Variants in IMPA1 observed in about 807,000 individuals in gnomAD.
IMPA1 encodes D-galactose 1-phosphate phosphatase.
In IMPA1, 21 loss-of-function variants were observed where a neutral mutation model predicts 34.9. That is an observed-to-expected ratio of 0.60 (90% CI 0.43 to 0.87). The LOEUF is 0.87. IMPA1 is among the 40% of genes least tolerant of loss of function. IMPA1 has a pLI of 0.00. For missense variants in IMPA1, 299 were observed against 336.4 expected (o/e 0.89, Z 0.87); for synonymous variants, 95 against 104.4 (o/e 0.91, Z 0.55).
chr8:81,684,130 TACACACATACACACAC>T (rs1807391564), intron 1 of IMPA1, among the ~76,000 whole-genome samples: 1 of 114,190 alleles, frequency 8.8e-6, no homozygotes, highest in Non-Finnish European at 2.0e-5. Context: ...CACACACACA[TACACACATACACACAC>T]ACACACACAT....
In IMPA1 at chr8:81,675,535, T is replaced by C. The variant is rs142103278; in HGVS notation, c.348+699A>G. ...ATGTAGCTTCTTCTGGACATTCTCA[T>C]TAATTAATACAACCCTGGGGCTAAG... On this transcript the variant is annotated intron_variant, in intron 5 of 8. Coordinates refer to ENST00000256108, the MANE Select transcript of IMPA1 (RefSeq NM_005536.4). 5.0e-3 allele frequency among the ~76,000 whole-genome samples: 767 copies of C among 152,330 alleles called. 2 individuals carry two copies. Among genetic ancestry groups the C allele is most frequent in the South Asian group, 0.025 (122 of 4,820 alleles).
intron 5 of IMPA1, 119 bp from the exon 6 acceptor site, chr8:81,674,068 C>T (rs1807066325): frequency 3.2e-6 from 2 of 618,088 alleles, no homozygotes; most frequent in African/African-American, 1.8e-5. Context: ...AATGGCTAAA[C>T]TGTGGGATAC....
chr8:81,682,036 G>A (rs1000257232), intron 1 of IMPA1, among the ~76,000 whole-genome samples: 8 of 152,078 alleles, frequency 5.3e-5, no homozygotes, highest in Non-Finnish European at 1.2e-4. Flanking sequence ...AAGGTTCAGA[G>A]ATGAGAAATA....
chr8:81,657,697 C>T lies in IMPA1; in HGVS notation c.*1654G>A, dbSNP rs1319459745. ...TCTGTAATCCCAGCACTTTGGGAGG[C>T]CAAGGGGCCTGGAAAACATAGGAAG... On this transcript the variant is annotated 3_prime_UTR_variant, in exon 9 of 9. Transcript: ENST00000256108. 6.6e-6 allele frequency among the ~76,000 whole-genome samples: 1 copy of T among 151,832 alleles called. No individual in the cohort carries two copies.
chr8:81,661,095 G>A (rs113211887), intron 7 of IMPA1, among the ~76,000 whole-genome samples: 39 of 152,208 alleles, frequency 2.6e-4, no homozygotes, highest in African/African-American at 5.3e-4. Context: ...CTGGGTGTGC[G>A]TCATACATGT....
At chr8:81,675,528 A>G (rs1174784471) in intron 5 of IMPA1, among the ~76,000 whole-genome samples, 1 of 152,142 alleles carries the variant, frequency 6.6e-6, no homozygotes, top group Admixed American at 6.5e-5. Flanking sequence ...TCTTCTGGAC[A>G]TTCTCATTAA....
At position 81,656,954 on chromosome 8, in the gene IMPA1, A is replaced by G. The variant is rs770381514; in HGVS notation, c.*2397T>C. 6.6e-6 allele frequency among the ~76,000 whole-genome samples: 1 copy of G among 152,184 alleles called. No homozygotes were observed. Among genetic ancestry groups the G allele is most frequent in the Non-Finnish European group, 1.5e-5 (1 of 68,014 alleles). On this transcript the variant is annotated 3_prime_UTR_variant, in exon 9 of 9. Transcript: ENST00000256108. ...ATATATTTTATGTGTTCAAGTACAT[A>G]TATTTATGTATATTTATGTATGTAT...
chr8:81,667,557 G>A (rs1268520196), intron 7 of IMPA1, among the ~76,000 whole-genome samples: 1 of 152,060 alleles, frequency 6.6e-6, no homozygotes, highest in African/African-American at 2.4e-5. Context: ...AGAATTCAGA[G>A]GAGCAGGCTA....
chr8:81,662,855 C>T (rs894846587), intron 7 of IMPA1, among the ~76,000 whole-genome samples: 2 of 152,172 alleles, frequency 1.3e-5, no homozygotes, highest in Non-Finnish European at 2.9e-5. Context: ...ATTTCATCTA[C>T]ATGAATTCCT....
At chr8:81,663,714 G>C (rs1806740474) in intron 7 of IMPA1, among the ~76,000 whole-genome samples, 1 of 152,178 alleles carries the variant, frequency 6.6e-6, no homozygotes, top group African/African-American at 2.4e-5. Flanking sequence ...TTTTTATTAT[G>C]ATTTTTCATA....
chr8:81,659,288 A>T lies in IMPA1; in HGVS notation c.*63T>A. The T allele has an allele frequency of 1.1e-6, 1 of 876,136 alleles. No homozygotes were observed. The highest frequency in any genetic ancestry group is 2.0e-6 in the Non-Finnish European group (1 of 509,344). 54.3% of individuals were successfully genotyped at this position (876,136 alleles called of 1,614,324 possible). A position where few individuals can be genotyped will look rare whatever the true frequency, so the allele number is the denominator to read the frequency against. ...AGCATATCATACATCCAAAACACAT[A>T]TCCATTGATGAGTCACCAAATCTGG... On this transcript the variant is annotated 3_prime_UTR_variant, in exon 9 of 9. Transcript: ENST00000256108.
chr8:81,676,357 T>C, intron 4 of IMPA1, 78 bp from the exon 5 acceptor site: 1 of 665,752 alleles, frequency 1.5e-6, no homozygotes. Flanking sequence ...TTTCATAATA[T>C]AAGTGTTCTT....
At chr8:81,673,407 T>C (rs986292265) in intron 6 of IMPA1, among the ~76,000 whole-genome samples, 2 of 152,228 alleles carry the variant, frequency 1.3e-5, no homozygotes, top group East Asian at 1.9e-4. Flanking sequence ...CCTGCCTTTA[T>C]GTACATCTTA....
Position 81,659,071 on chromosome 8 carries a change from G to T in IMPA1, c.*280C>A. The T allele has an allele frequency of 5.3e-6, 2 of 379,842 alleles. No homozygotes were observed. Among genetic ancestry groups the T allele is most frequent in the East Asian group, 6.3e-5 (1 of 15,920 alleles). The allele number at this position is 379,842 out of a possible 1,614,324, so 23.5% of individuals were successfully genotyped here. A position where few individuals can be genotyped will look rare whatever the true frequency, so the allele number is the denominator to read the frequency against. On this transcript the variant is annotated 3_prime_UTR_variant, in exon 9 of 9. Coordinates refer to ENST00000256108, the MANE Select transcript of IMPA1 (RefSeq NM_005536.4). Reference sequence around the variant, plus strand: ...CATAGATATTTAGAAACACAAAATTGCTAATTGACTATTTCAGTTGATGTT... The same window carrying T: ...CATAGATATTTAGAAACACAAAATTTCTAATTGACTATTTCAGTTGATGTT...
chr8:81,685,932 C>T (rs895728059), intron 1 of IMPA1: 1 of 1,534,618 alleles, frequency 6.5e-7, no homozygotes, highest in African/African-American at 1.4e-5. Context: ...GAGTGACTAC[C>T]TGGGCCTGGG....
rs1806583106 is a variant in IMPA1, at chr8:81,658,672, G to T, written c.*679C>A. 6.6e-6 allele frequency: 1 copy of T among 152,540 alleles called. No homozygotes were observed. Among genetic ancestry groups the T allele is most frequent in the African/African-American group, 2.4e-5 (1 of 41,440 alleles). The allele number at this position is 152,540 out of a possible 1,614,324, so 9.4% of individuals were successfully genotyped here. ...TCTGATGGTATGGTAATGTGAAATG[G>T]CATGGTAACGTGAAATAAAAAAAAT... On this transcript the variant is annotated 3_prime_UTR_variant, in exon 9 of 9. Transcript: ENST00000256108.
In IMPA1 at chr8:81,660,459, A is replaced by T. The variant is rs1189751051; in HGVS notation, c.718+57T>A. 9 of 1,526,228 alleles carry T rather than the reference A, an allele frequency of 5.9e-6. No homozygotes were observed. In the East Asian group the frequency reaches 6.8e-5, roughly 11 times the overall value. The allele number at this position is 1,526,228 out of a possible 1,614,324, so 94.5% of individuals were successfully genotyped here. On this transcript the variant is annotated intron_variant, in intron 8 of 8. Transcript: ENST00000256108. ...TATCAAAAAGTTTTTTAAATTCTACATATGGACAAAAGTCCAACAGATGTG... is the reference window on the plus strand; with the variant it reads ...TATCAAAAAGTTTTTTAAATTCTACTTATGGACAAAAGTCCAACAGATGTG...
rs966921448 is a variant in IMPA1 at position 81,671,033 on chromosome 8, G to C, written c.472C>G (p.Leu158Val). ...GAAGAGCCCAACTCAGTCACCAAGA[G>C]AGATTTGGTAATATCTAAAAAGAAA... ...VSQQEDITKS[L>V]LVTELGSSRT... Residue 158 changes from leucine to valine, a missense_variant, in exon 7 of 9, where the codon CTC (leucine) becomes GTC (valine). Physicochemically the swap from Leu to Val is conservative, Grantham distance 32 (BLOSUM62 1). Coordinates refer to ENST00000256108, the MANE Select transcript of IMPA1 (RefSeq NM_005536.4). 9 of 1,502,118 alleles carry C rather than the reference G, an allele frequency of 6.0e-6. No homozygotes were observed. The highest frequency in any genetic ancestry group is 5.4e-5 in the Admixed American group (2 of 37,254). 93.0% of individuals were successfully genotyped at this position (1,502,118 alleles called of 1,614,324 possible). A position where few individuals can be genotyped will look rare whatever the true frequency, so the allele number is the denominator to read the frequency against.
chr8:81,676,202 A>G, intron 5 of IMPA1, 32 bp downstream of exon 5: 1 of 1,016,178 alleles, frequency 9.8e-7, no homozygotes, highest in Non-Finnish European at 1.4e-6. Context: ...AGAGCAAGGC[A>G]TATAATCAAC....
Sources: gnomAD v4.1 joint callset for allele counts (sites outside exome capture counted in the v4.1 genomes callset) on GRCh38, gnomAD v4.1.1 for gene constraint, MANE v1.5 for transcripts, NCBI Gene and HGNC (gene_info 2026-07-23, HGNC 2026-07-21) for gene names.